SNX29: variants seen among roughly 807,000 people sequenced by gnomAD.
The protein encoded by SNX29 is sorting nexin 29.
Under a neutral mutation model 102.1 loss-of-function variants are expected in SNX29, and 78 were observed. That is an observed-to-expected ratio of 0.76 (90% CI 0.64 to 0.92). SNX29 has a LOEUF of 0.92. Ranked by LOEUF, SNX29 falls within the 40% of genes least tolerant of loss-of-function variation. SNX29 has a pLI of 0.00. For synonymous variants in SNX29, 580 were observed against 414.5 expected (o/e 1.40, Z -4.85); for missense variants, 1,280 against 1,061.7 (o/e 1.21, Z -2.86).
At position 12,524,782 on chromosome 16, in the gene SNX29, C is replaced by T; in HGVS notation, c.2259C>T (p.Val753=). ...TCATGAACAAAGTCATCCAGATGGTCCCCGAGTTCGCTGCCAGCCCCAAGA... is the reference window on the plus strand; with the variant it reads ...TCATGAACAAAGTCATCCAGATGGTTCCCGAGTTCGCTGCCAGCCCCAAGA... The part of the protein sequence containing the change: ...RSVMNKVIQM[V]PEFAASPKKE... Residue 753 remains valine, a synonymous_variant, in exon 20 of 21, where the codon GTC becomes GTT. Transcript: ENST00000566228. 2.5e-6 allele frequency: 4 copies of T among 1,613,766 alleles called. No homozygotes were observed. The highest frequency in any genetic ancestry group is 2.5e-6 in the Non-Finnish European group (3 of 1,179,824).
intron 19 of SNX29, among the ~76,000 whole-genome samples, chr16:12,479,083 C>A (rs1209998137): frequency 6.6e-6 from 1 of 152,128 alleles, no homozygotes; most frequent in East Asian, 1.9e-4. Flanking sequence ...CAGCAGGAGC[C>A]CTTGGGAGCT....
At chr16:12,282,183 G>A (rs76716712) in intron 15 of SNX29, among the ~76,000 whole-genome samples, 5,870 of 152,048 alleles carry the variant, frequency 0.039, 196 homozygotes, top group African/African-American at 0.083. Flanking sequence ...GCTTTGGAAG[G>A]CTGAGCTCAT....
chr16:12,147,341 TAA>T (rs1291217159), intron 13 of SNX29, among the ~76,000 whole-genome samples: 2 of 151,366 alleles, frequency 1.3e-5, no homozygotes, highest in Admixed American at 1.3e-4. Flanking sequence ...CAGGAGGAAA[TAA>T]AAAAAAATTA....
At chr16:12,362,569 CCCCCA>C (rs2082337784) in intron 16 of SNX29, among the ~76,000 whole-genome samples, 3 of 75,506 alleles carry the variant, frequency 4.0e-5, no homozygotes, top group Admixed American at 1.1e-4. Flanking sequence ...CCCACCCCCC[CCCCCA>C]CCAGTTTCTC....
At chr16:12,193,341 G>T (rs1242989547) in intron 13 of SNX29, among the ~76,000 whole-genome samples, 1 of 151,860 alleles carries the variant, frequency 6.6e-6, no homozygotes, top group African/African-American at 2.4e-5. Flanking sequence ...CTAGTGGTGG[G>T]TGCCGGTAAT....
At chr16:12,549,008 A>G (rs2077790214) in intron 20 of SNX29, among the ~76,000 whole-genome samples, 2 of 152,208 alleles carry the variant, frequency 1.3e-5, no homozygotes, top group South Asian at 4.1e-4. Flanking sequence ...GGTCCGTTGT[A>G]ACAGCATAAA....
At chr16:11,983,660 A>C (rs1355067631) in intron 1 of SNX29, 1 of 985,398 alleles carries the variant, frequency 1.0e-6, no homozygotes, top group Non-Finnish European at 1.2e-6. Flanking sequence ...CTGGCGATGG[A>C]CTAGGTCCTA....
Position 12,572,670 on chromosome 16 carries a change from C to T in SNX29, c.*4041C>T. On this transcript the variant is annotated 3_prime_UTR_variant, in exon 21 of 21. Transcript: ENST00000566228. ...CAAGCTCCTGTGTGAGCTGCAGCACCCACACGGGGGAAGCCCTGCACTCCA... is the reference window on the plus strand; with the variant it reads ...CAAGCTCCTGTGTGAGCTGCAGCACTCACACGGGGGAAGCCCTGCACTCCA... The T allele has an allele frequency of 9.4e-7, 1 of 1,063,680 alleles. No homozygotes were observed. The highest frequency in any genetic ancestry group is 1.1e-6 in the Non-Finnish European group (1 of 878,304). 65.9% of individuals were successfully genotyped at this position (1,063,680 alleles called of 1,614,324 possible).
rs2079116726 is a variant in SNX29, at chr16:12,568,686, G to C, written c.*57G>C. ...CGTGGCACCAGCTGCGTCCACCCCA[G>C]CCACTGCCGCTGGCCCCTCACCTCA... On this transcript the variant is annotated 3_prime_UTR_variant, in exon 21 of 21. Transcript: ENST00000566228. 1 of 1,582,156 alleles carries C rather than the reference G, an allele frequency of 6.3e-7. No individual in the cohort carries two copies. Among genetic ancestry groups the C allele is most frequent in the African/African-American group, 1.3e-5 (1 of 74,542 alleles).
intron 20 of SNX29, among the ~76,000 whole-genome samples, chr16:12,533,156 G>T (rs1467570584): frequency 6.6e-6 from 1 of 152,260 alleles, no homozygotes; most frequent in Non-Finnish European, 1.5e-5. Flanking sequence ...GCCAGGCAGG[G>T]CCTCTCTCTG....
intron 7 of SNX29, among the ~76,000 whole-genome samples, chr16:12,049,702 G>T (rs1156403292): frequency 6.6e-6 from 1 of 151,988 alleles, no homozygotes; most frequent in African/African-American, 2.4e-5. Context: ...AGATTAATTT[G>T]GTGAGAAGTT....
At chr16:12,297,597 A>G (rs1257379455) in intron 15 of SNX29, among the ~76,000 whole-genome samples, 2 of 152,120 alleles carry the variant, frequency 1.3e-5, no homozygotes, top group Admixed American at 6.5e-5. Flanking sequence ...TAAAGATCAC[A>G]GAGTTAAAAA....
At chr16:12,400,112 C>T (rs1264742129) in intron 17 of SNX29, among the ~76,000 whole-genome samples, 1 of 151,996 alleles carries the variant, frequency 6.6e-6, no homozygotes, top group Non-Finnish European at 1.5e-5. Context: ...TTGGAACCTC[C>T]CCCAACCAGT....
chr16:12,055,095 T>G (rs191978181), intron 8 of SNX29, among the ~76,000 whole-genome samples: 211 of 152,184 alleles, frequency 1.4e-3, no homozygotes, highest in Middle Eastern at 3.4e-3. Flanking sequence ...ACAGAACCAG[T>G]GTGGTGGGGC....
intron 15 of SNX29, among the ~76,000 whole-genome samples, chr16:12,285,604 T>C (rs977758925): frequency 3.9e-5 from 6 of 152,204 alleles, no homozygotes; most frequent in Admixed American, 6.5e-5. Flanking sequence ...ATCATTTTAA[T>C]AAAGTGTAAA....
chr16:12,574,225 G>A lies in SNX29; in HGVS notation c.*5596G>A, dbSNP rs543758892. 5.6e-6 allele frequency: 1 copy of A among 177,188 alleles called. No individual in the cohort carries two copies. The highest frequency in any genetic ancestry group is 1.2e-5 in the Non-Finnish European group (1 of 82,428). The allele number at this position is 177,188 out of a possible 1,614,324, so 11.0% of individuals were successfully genotyped here. On this transcript the variant is annotated 3_prime_UTR_variant, in exon 21 of 21. Coordinates refer to ENST00000566228, the MANE Select transcript of SNX29 (RefSeq NM_032167.5). ...GCTGTGGAAATTTTGTTACAACCTG[G>A]TTGAGATCAACCTCTTTACAATGAC...
chr16:12,548,064 G>C (rs57472141), intron 20 of SNX29, among the ~76,000 whole-genome samples: 2 of 152,164 alleles, frequency 1.3e-5, no homozygotes, highest in African/African-American at 4.8e-5. Context: ...GCACACACAC[G>C]GTCAGGCATG....
intron 13 of SNX29, among the ~76,000 whole-genome samples, chr16:12,136,493 C>T (rs1052528732): frequency 2.0e-5 from 3 of 152,138 alleles, no homozygotes; most frequent in Non-Finnish European, 4.4e-5. Flanking sequence ...TTTTTTCTTG[C>T]AGTAGCTGGG....
chr16:12,258,967 C>G (rs17675019), intron 14 of SNX29, among the ~76,000 whole-genome samples: 12,421 of 152,192 alleles, frequency 0.082, 752 homozygotes, highest in South Asian at 0.12. Context: ...ACAAAGAGAT[C>G]CTCCGTAGAC....
Sources: gnomAD v4.1 joint callset for allele counts (sites outside exome capture counted in the v4.1 genomes callset) on GRCh38, gnomAD v4.1.1 for gene constraint, MANE v1.5 for transcripts, NCBI Gene and HGNC (gene_info 2026-07-23, HGNC 2026-07-21) for gene names.